Variants in ASAP1 observed in about 807,000 individuals in gnomAD.
ASAP1 encodes arf-GAP with SH3 domain, ANK repeat and PH domain-containing protein 1.
Under a neutral mutation model 145.2 loss-of-function variants are expected in ASAP1, and 43 were observed. That is an observed-to-expected ratio of 0.30 (90% CI 0.23 to 0.38). The LOEUF is 0.38. Ranked by LOEUF, ASAP1 falls within the 10% of genes least tolerant of loss-of-function variation. The pLI, the probability that ASAP1 is intolerant of heterozygous loss-of-function variation, is 1.00. For missense variants in ASAP1, 1,018 were observed against 1,355.3 expected, an observed-to-expected ratio of 0.75 and a Z score of 3.91; for synonymous variants, 546 against 515.5, an observed-to-expected ratio of 1.06 and a Z score of -0.80.
intron 15 of ASAP1, among the ~76,000 whole-genome samples, chr8:130,130,828 T>C (rs1006948108): frequency 2.0e-5 from 3 of 152,028 alleles, no homozygotes; most frequent in Non-Finnish European, 4.4e-5. Context: ...AAGATCGCTC[T>C]AGCCTAGGAG....
At position 130,052,649 on chromosome 8, in the gene ASAP1, G is replaced by C. The variant is rs1355953280; in HGVS notation, c.*2082C>G. The stretch of plus-strand genomic sequence containing the variant: ...AAAAAAAAGGTGTTAAAAATGCTGT[G>C]TAAGTTGCTGCAAAAGGGGAAAAAG... On this transcript the variant is annotated 3_prime_UTR_variant, in exon 30 of 30. Transcript: ENST00000518721. 2.7e-5 allele frequency: 4 copies of C among 149,626 alleles called. No homozygotes were observed. Among genetic ancestry groups the C allele is most frequent in the Admixed American group, 2.7e-4 (4 of 15,010 alleles). The allele number at this position is 149,626 out of a possible 1,614,324, so 9.3% of individuals were successfully genotyped here. A position where few individuals can be genotyped will look rare whatever the true frequency, so the allele number is the denominator to read the frequency against.
At chr8:130,222,379 A>G (rs1242295657) in intron 4 of ASAP1, among the ~76,000 whole-genome samples, 1 of 152,232 alleles carries the variant, frequency 6.6e-6, no homozygotes, top group East Asian at 1.9e-4. Context: ...TTAAGCACTG[A>G]CTAAGTAGAG....
At chr8:130,365,763 C>G (rs1296224309) in intron 2 of ASAP1, among the ~76,000 whole-genome samples, 4 of 151,860 alleles carry the variant, frequency 2.6e-5, no homozygotes, top group Admixed American at 2.6e-4. Context: ...CTATTATGGC[C>G]CCAAAGTGCC....
chr8:130,283,298 A>G (rs1821363964), intron 3 of ASAP1, among the ~76,000 whole-genome samples: 1 of 152,100 alleles, frequency 6.6e-6, no homozygotes. Flanking sequence ...AACCAAAAAA[A>G]CACTGGGTAC....
At chr8:130,290,763 GATA>G (rs1821895256) in intron 3 of ASAP1, among the ~76,000 whole-genome samples, 1 of 152,160 alleles carries the variant, frequency 6.6e-6, no homozygotes, top group African/African-American at 2.4e-5. Context: ...TCCTTAACAG[GATA>G]ATGATGATAC....
chr8:130,436,247 G>A (rs1439550284), intron 1 of ASAP1, among the ~76,000 whole-genome samples: 1 of 152,190 alleles, frequency 6.6e-6, no homozygotes, highest in African/African-American at 2.4e-5. Flanking sequence ...ACTCTCACCT[G>A]TAATCCTAGT....
At chr8:130,304,526 C>T (rs1306356369) in intron 3 of ASAP1, among the ~76,000 whole-genome samples, 1 of 152,210 alleles carries the variant, frequency 6.6e-6, no homozygotes. Flanking sequence ...CATCTGCACT[C>T]CCTGAAACAC....
At chr8:130,188,271 C>T in intron 5 of ASAP1, 88 bp from the exon 6 acceptor site, 1 of 1,013,476 alleles carries the variant, frequency 9.9e-7, no homozygotes, top group Non-Finnish European at 1.6e-6. Flanking sequence ...GAGCATTTTC[C>T]ACACACCAGG....
At chr8:130,276,755 CT>C (rs1257202149) in intron 3 of ASAP1, among the ~76,000 whole-genome samples, 63 of 151,058 alleles carry the variant, frequency 4.2e-4, no homozygotes, top group Non-Finnish European at 4.9e-4. Context: ...CTCTCTCTCT[CT>C]CTCTCCTCTA....
intron 4 of ASAP1, among the ~76,000 whole-genome samples, chr8:130,219,066 A>C (rs1057197811): frequency 1.8e-4 from 27 of 152,186 alleles, no homozygotes; most frequent in African/African-American, 6.3e-4. Context: ...TAAGGTGCTT[A>C]AAATAGTGTC....
At chr8:130,396,664 T>C (rs937157144) in intron 2 of ASAP1, among the ~76,000 whole-genome samples, 19 of 152,364 alleles carry the variant, frequency 1.2e-4, no homozygotes, top group African/African-American at 4.3e-4. Flanking sequence ...GCCTTCTGCA[T>C]TCAGCTCCAG....
intron 9 of ASAP1, among the ~76,000 whole-genome samples, chr8:130,173,100 T>A (rs766149976): frequency 6.6e-6 from 1 of 152,210 alleles, no homozygotes; most frequent in Non-Finnish European, 1.5e-5. Context: ...AAAACAAAAT[T>A]AAAGAGTCAA....
chr8:130,427,224 G>A (rs1215311248), intron 1 of ASAP1, among the ~76,000 whole-genome samples: 2 of 152,128 alleles, frequency 1.3e-5, no homozygotes, highest in African/African-American at 4.8e-5. Context: ...TAAAGAACCG[G>A]AGAGCAATGG....
At chr8:130,148,485 T>A (rs1442707442) in intron 13 of ASAP1, among the ~76,000 whole-genome samples, 2 of 152,222 alleles carry the variant, frequency 1.3e-5, no homozygotes, top group Non-Finnish European at 1.5e-5. Context: ...AAGATAGTGA[T>A]GCCTATCCTG....
chr8:130,397,781 G>A (rs1199436579), intron 2 of ASAP1, among the ~76,000 whole-genome samples: 1 of 152,202 alleles, frequency 6.6e-6, no homozygotes, highest in African/African-American at 2.4e-5. Context: ...TGTGGGGCTG[G>A]GTTAGCTTCC....
intron 1 of ASAP1, among the ~76,000 whole-genome samples, chr8:130,419,460 A>G (rs1829626594): frequency 6.6e-6 from 1 of 151,990 alleles, no homozygotes. Context: ...TATAAGAAAG[A>G]TGTGAAGCTA....
chr8:130,135,705 T>C (rs1167758949), intron 14 of ASAP1, among the ~76,000 whole-genome samples: 1 of 152,204 alleles, frequency 6.6e-6, no homozygotes, highest in East Asian at 1.9e-4. Flanking sequence ...ATAAGGCACC[T>C]GGCATGTAAC....
At chr8:130,293,765 C>T (rs144333992) in intron 3 of ASAP1, among the ~76,000 whole-genome samples, 1 of 152,268 alleles carries the variant, frequency 6.6e-6, no homozygotes, top group African/African-American at 2.4e-5. Context: ...TGTGAAGGAC[C>T]CCATGTCCCC....
At chr8:130,115,859 A>G in intron 22 of ASAP1, 124 bp from the exon 23 acceptor site, 1 of 713,722 alleles carries the variant, frequency 1.4e-6, no homozygotes, top group Non-Finnish European at 2.5e-6. Context: ...GGTGTACTAT[A>G]GGCAACACTC....
Sources: allele counts gnomAD v4.1 joint callset (sites outside exome capture counted in the v4.1 genomes callset), GRCh38; gene constraint gnomAD v4.1.1; transcripts MANE v1.5; gene names NCBI Gene and HGNC (gene_info 2026-07-23, HGNC 2026-07-21).